Variants in FBXO10 observed in about 807,000 individuals in gnomAD.
FBXO10 encodes the protein F-box only protein 10.
Under a neutral mutation model 80.7 loss-of-function variants are expected in FBXO10, and 39 were observed. The observed-to-expected ratio is 0.48, with a 90% CI of 0.37 to 0.63. The LOEUF (loss-of-function observed/expected upper bound fraction) is 0.63, where lower values mean the gene tolerates loss of function less well. Among genes scored for constraint, FBXO10 ranks in the 30% least tolerant of loss-of-function variants. The pLI is 0.00. For synonymous variants in FBXO10, 449 were observed against 489.6 expected (o/e 0.92, Z 1.09); for missense variants, 1,025 against 1,269.0 (o/e 0.81, Z 2.92).
chr9:37,573,857 G>A (rs77279613), intron 1 of FBXO10, among the ~76,000 whole-genome samples: 3,681 of 143,684 alleles, frequency 0.026, 105 homozygotes, highest in South Asian at 0.17. Context: ...CATTTTAGAC[G>A]AGTGGGAAAC....
intron 1 of FBXO10, among the ~76,000 whole-genome samples, chr9:37,544,980 C>T (rs1462529124): frequency 1.9e-5 from 2 of 106,070 alleles, no homozygotes; most frequent in Non-Finnish European, 3.5e-5. Context: ...GGCGACAGAG[C>T]GAGACTCTCT....
chr9:37,545,640 C>A (rs1367037859), intron 1 of FBXO10, among the ~76,000 whole-genome samples: 1 of 152,158 alleles, frequency 6.6e-6, no homozygotes. Flanking sequence ...ACGTGAATAC[C>A]CAATTCTCTT....
chr9:37,521,159 G>A (rs1821334407), intron 8 of FBXO10, among the ~76,000 whole-genome samples: 1 of 152,250 alleles, frequency 6.6e-6, no homozygotes, highest in Non-Finnish European at 1.5e-5. Context: ...CAGGCTGGAA[G>A]AAGTGGCTGA....
intron 1 of FBXO10, among the ~76,000 whole-genome samples, chr9:37,557,642 C>T (rs960042309): frequency 6.6e-6 from 1 of 152,206 alleles, no homozygotes; most frequent in African/African-American, 2.4e-5. Context: ...TCTAGCTGGC[C>T]TTGACCGTTC....
At chr9:37,569,610 A>G (rs116066886) in intron 1 of FBXO10, among the ~76,000 whole-genome samples, 460 of 152,344 alleles carry the variant, frequency 3.0e-3, no homozygotes, top group African/African-American at 0.011. Flanking sequence ...CACACATGGA[A>G]CATTTATAAA....
intron 6 of FBXO10, among the ~76,000 whole-genome samples, chr9:37,524,333 AG>A (rs1257195358): frequency 6.6e-6 from 1 of 152,140 alleles, no homozygotes; most frequent in African/African-American, 2.4e-5. Context: ...TCATATACGT[AG>A]GCTTTTATTT....
At chr9:37,540,102 C>G (rs767183999) in intron 2 of FBXO10, among the ~76,000 whole-genome samples, 1 of 152,128 alleles carries the variant, frequency 6.6e-6, no homozygotes, top group Non-Finnish European at 1.5e-5. Context: ...CACACTACAT[C>G]TGTCACAAAT....
At chr9:37,560,545 A>C (rs1822451868) in intron 1 of FBXO10, among the ~76,000 whole-genome samples, 1 of 152,116 alleles carries the variant, frequency 6.6e-6, no homozygotes, top group African/African-American at 2.4e-5. Flanking sequence ...ATTTCCTATC[A>C]TTCCATTTGG....
At chr9:37,538,499 G>A (rs940108271) in intron 2 of FBXO10, among the ~76,000 whole-genome samples, 1 of 152,134 alleles carries the variant, frequency 6.6e-6, no homozygotes, top group African/African-American at 2.4e-5. Context: ...CTTGAGGTCA[G>A]GAGTTCGAGA....
At chr9:37,553,856 C>A (rs972961665) in intron 1 of FBXO10, among the ~76,000 whole-genome samples, 1 of 128,846 alleles carries the variant, frequency 7.8e-6, no homozygotes, top group Admixed American at 9.5e-5. Flanking sequence ...GCAGAGGTTG[C>A]GGTGAGCCGA....
intron 4 of FBXO10, 139 bp from the exon 5 acceptor site, chr9:37,529,399 C>A: frequency 2.2e-6 from 2 of 892,280 alleles, no homozygotes; most frequent in Non-Finnish European, 3.4e-6. Context: ...TAGCCCGTGA[C>A]AAAGGGAATG....
intron 10 of FBXO10, chr9:37,514,945 C>T (rs1012647530): frequency 6.6e-6 from 1 of 152,110 alleles, no homozygotes; most frequent in Middle Eastern, 3.4e-3. Flanking sequence ...TACAACAGAA[C>T]ATGAAGATCC....
chr9:37,532,203 C>A lies in FBXO10; in HGVS notation c.1420-145G>T, dbSNP rs947645627. 1.5e-4 allele frequency: 128 copies of A among 852,590 alleles called. No individual in the cohort carries two copies. The African/African-American group carries it at 2.1e-3, about 14-fold the overall frequency. The allele number at this position is 852,590 out of a possible 1,614,324, so 52.8% of individuals were successfully genotyped here. ...GAGAAACGCCTCAATGCTGGCACAG[C>A]CACGCTCCCACTGTGTGCTCCCAGG... On this transcript the variant is annotated intron_variant, in intron 3 of 10. Transcript: ENST00000432825.
chr9:37,518,554 G>A, intron 8 of FBXO10, 116 bp from the exon 9 acceptor site: 1 of 857,062 alleles, frequency 1.2e-6, no homozygotes. Flanking sequence ...GAGAAGAAGA[G>A]GTACCAACAC....
intron 1 of FBXO10, among the ~76,000 whole-genome samples, chr9:37,542,596 CAA>C (rs34458549): frequency 4.0e-5 from 5 of 126,174 alleles, no homozygotes; most frequent in Admixed American, 2.5e-4. Context: ...ATCTCCATCT[CAA>C]AAAAAAAAAA....
chr9:37,529,015 C>G, intron 5 of FBXO10, 109 bp downstream of exon 5: 1 of 1,420,268 alleles, frequency 7.0e-7, no homozygotes, highest in Non-Finnish European at 9.6e-7. Flanking sequence ...TGAGTGAAGT[C>G]TCTTCTCTGC....
chr9:37,573,390 C>A (rs931431724), intron 1 of FBXO10, among the ~76,000 whole-genome samples: 1 of 152,116 alleles, frequency 6.6e-6, no homozygotes, highest in African/African-American at 2.4e-5. Context: ...AGCACGCAAG[C>A]ATAAATGAAA....
chr9:37,556,691 G>C (rs757416990), intron 1 of FBXO10, among the ~76,000 whole-genome samples: 2 of 151,804 alleles, frequency 1.3e-5, no homozygotes, highest in African/African-American at 2.4e-5. Flanking sequence ...TTACAGGTGT[G>C]TGCCGCCACG....
chr9:37,567,865 G>A (rs756283977), intron 1 of FBXO10, among the ~76,000 whole-genome samples: 19 of 152,100 alleles, frequency 1.2e-4, no homozygotes, highest in East Asian at 9.6e-4. Context: ...CCTCTTCTGC[G>A]TCCTCAGGGG....
Sources: allele counts gnomAD v4.1 joint callset (sites outside exome capture counted in the v4.1 genomes callset), GRCh38; gene constraint gnomAD v4.1.1; transcripts MANE v1.5; gene names NCBI Gene and HGNC (gene_info 2026-07-23, HGNC 2026-07-21).